TAPBP: variants seen among roughly 807,000 people sequenced by gnomAD.
TAPBP encodes tapasin.
A neutral mutation model predicts 45.7 loss-of-function variants in TAPBP; 38 were observed. The ratio of observed to expected loss-of-function variants is 0.83; its 90% CI spans 0.64 to 1.09. The LOEUF is 1.09. Ranked by LOEUF, TAPBP falls within the 50% of genes least tolerant of loss-of-function variation. The probability of loss-of-function intolerance (pLI) is 0.00; values close to 1 mark genes in which losing one functional copy is unlikely to be tolerated. For synonymous variants in TAPBP, 226 were observed against 254.8 expected, an observed-to-expected ratio of 0.89 and a Z score of 1.08; for missense variants, 513 against 587.3, an observed-to-expected ratio of 0.87 and a Z score of 1.31.
At chr6:33,304,036 T>C (rs1768765942) in intron 6 of TAPBP, 47 bp from the exon 7 acceptor site, 6 of 1,612,022 alleles carry the variant, frequency 3.7e-6, no homozygotes, top group Non-Finnish European at 2.5e-6. Flanking sequence ...GTGGTAGAGG[T>C]GGAGGGCAGA....
intron 4 of TAPBP, 174 bp from the exon 5 acceptor site, chr6:33,304,812 C>G: frequency 7.9e-7 from 1 of 1,264,458 alleles, no homozygotes; most frequent in Non-Finnish European, 1.1e-6. Flanking sequence ...CATGTCAAAG[C>G]CCCTCAAATT....
rs1581729737 is a variant in TAPBP, at chr6:33,299,757, C to T, written c.*2003G>A. On this transcript the variant is annotated 3_prime_UTR_variant, in exon 8 of 8. Coordinates refer to ENST00000434618, the MANE Select transcript of TAPBP (RefSeq NM_003190.5). This position sits in a 1 kb window ranked among gnomAD's most constrained non-coding sequence, Gnocchi z 5.0. ...TAGACCCGTTACCCCGTGGGTCTGG[C>T]CGACCGTCCTGACTCGGAGATCCCT... 6.6e-6 allele frequency: 1 copy of T among 152,458 alleles called. No individual in the cohort carries two copies. Among genetic ancestry groups the T allele is most frequent in the African/African-American group, 2.4e-5 (1 of 41,594 alleles). The allele number at this position is 152,458 out of a possible 1,614,324, so 9.4% of individuals were successfully genotyped here.
intron 3 of TAPBP, among the ~76,000 whole-genome samples, chr6:33,307,119 C>T (rs1314135162): frequency 6.6e-6 from 1 of 152,102 alleles, no homozygotes; most frequent in Non-Finnish European, 1.5e-5. Flanking sequence ...AAAACCCTGT[C>T]TCTACTAAAA....
At position 33,313,452 on chromosome 6, in the gene TAPBP, G is replaced by T; in HGVS notation, c.234C>A (p.Ala78=). The part of the protein sequence containing the change: ...VHDPAGALQA[A]FRRYPRGAPA... ...GGGCGCCCCGGGGATACCGCCTGAA[G>T]GCAGCCTGGAGGGCGCCCGCGGGGT... Residue 78 remains alanine, a synonymous_variant, in exon 3 of 8, where the codon GCC becomes GCA. Coordinates refer to ENST00000434618, the MANE Select transcript of TAPBP (RefSeq NM_003190.5). The surrounding 1 kb of genome is among the most constrained non-coding windows in gnomAD (Gnocchi z 7.2). 6.3e-7 allele frequency: 1 copy of T among 1,588,592 alleles called. No individual in the cohort carries two copies. Among genetic ancestry groups the T allele is most frequent in the Non-Finnish European group, 8.6e-7 (1 of 1,164,310 alleles).
chr6:33,301,743 G>A lies in TAPBP; in HGVS notation c.*17C>T, dbSNP rs1219617702. 6.2e-7 allele frequency: 1 copy of A among 1,612,652 alleles called. No individual in the cohort carries two copies. Among genetic ancestry groups the A allele is most frequent in the East Asian group, 2.2e-5 (1 of 44,884 alleles). ...CCAGAGATGATGGTGGCTTCCACAG[G>A]ATGGCAGTGAGTGCCCTCACTCTGC... is the stretch of plus-strand genomic sequence containing the variant. On this transcript the variant is annotated 3_prime_UTR_variant, in exon 8 of 8. Transcript: ENST00000434618.
chr6:33,304,526 C>T lies in TAPBP; in HGVS notation c.981G>A (p.Glu327=). ...GGCCACCCCGGAGTTCCCACTCCACCTCCAGGCCCCCAGAAGGGTAGAAGT... is the reference window on the plus strand; with the variant it reads ...GGCCACCCCGGAGTTCCCACTCCACTTCCAGGCCCCCAGAAGGGTAGAAGT... ...VSHFYPSGGL[E]VEWELRGGPG... Residue 327 remains glutamate, a synonymous_variant, in exon 5 of 8, where the codon GAG becomes GAA. Transcript: ENST00000434618. The T allele has an allele frequency of 1.9e-6, 3 of 1,612,914 alleles. No homozygotes were observed. Among genetic ancestry groups the T allele is most frequent in the East Asian group, 2.2e-5 (1 of 44,870 alleles).
intron 3 of TAPBP, among the ~76,000 whole-genome samples, chr6:33,309,426 G>A (rs1248330658): frequency 6.6e-6 from 1 of 151,830 alleles, no homozygotes; most frequent in East Asian, 1.9e-4. Context: ...AAACCTGGCT[G>A]GGCAGGGTGG....
rs775752083 is a variant in TAPBP at position 33,313,357 on chromosome 6, G to C, written c.329C>G (p.Thr110Ser). The C allele has an allele frequency of 6.2e-7, 1 of 1,613,100 alleles. No individual in the cohort carries two copies. Among genetic ancestry groups the C allele is most frequent in the Non-Finnish European group, 8.5e-7 (1 of 1,179,864 alleles). Residue 110 changes from threonine (T) to serine (S), a missense_variant, in exon 3 of 8, where the codon ACC becomes AGC. Transcript: ENST00000434618. This position sits in a 1 kb window ranked among gnomAD's most constrained non-coding sequence, Gnocchi z 7.2. ...PASAKWASGL[T>S]PAQNCPRALD... The stretch of plus-strand genomic sequence containing the variant: ...GGCCCGCGGGCAGTTCTGCGCGGGG[G>C]TCAGGCCGCTGGCCCATTTCGCAGA...
At position 33,313,996 on chromosome 6, in the gene TAPBP, T is replaced by A; in HGVS notation, c.37+9A>T. On this transcript the variant is annotated intron_variant, in intron 1 of 7. Coordinates refer to ENST00000434618, the MANE Select transcript of TAPBP (RefSeq NM_003190.5). This position sits in a 1 kb window ranked among gnomAD's most constrained non-coding sequence, Gnocchi z 7.2. Reference sequence around the variant, plus strand: ...AGTTCTTGGGCGATGAGTCGCGGGGTTCGCTCACCCAAAGCCACAGCGAGG... The same window carrying A: ...AGTTCTTGGGCGATGAGTCGCGGGGATCGCTCACCCAAAGCCACAGCGAGG... 6.2e-7 allele frequency: 1 copy of A among 1,613,724 alleles called. No individual in the cohort carries two copies. Among genetic ancestry groups the A allele is most frequent in the Non-Finnish European group, 8.5e-7 (1 of 1,179,972 alleles).
chr6:33,305,480 A>C lies in TAPBP; in HGVS notation c.470-93T>G. ...AGAAATGCAGTTATTGGGGAGGGCT[A>C]AACTGCAGTTTACCCACCCCTCAGA... On this transcript the variant is annotated intron_variant, in intron 3 of 7. Coordinates refer to ENST00000434618, the MANE Select transcript of TAPBP (RefSeq NM_003190.5). The surrounding 1 kb of genome is among the most constrained non-coding windows in gnomAD (Gnocchi z 4.4). The C allele has an allele frequency of 7.4e-7, 1 of 1,350,726 alleles. No homozygotes were observed. The allele number at this position is 1,350,726 out of a possible 1,614,324, so 83.7% of individuals were successfully genotyped here.
intron 3 of TAPBP, among the ~76,000 whole-genome samples, chr6:33,307,391 CTTCTTTT>C (rs1769045954): frequency 1.5e-5 from 2 of 129,620 alleles, no homozygotes; most frequent in Admixed American, 8.7e-5. Context: ...TCTAGCCCTG[CTTCTTTT>C]TTTTTTTTTT....
At position 33,305,456 on chromosome 6, in the gene TAPBP, G is replaced by A; in HGVS notation, c.470-69C>T. The A allele has an allele frequency of 1.4e-6, 2 of 1,445,006 alleles. No individual in the cohort carries two copies. Among genetic ancestry groups the A allele is most frequent in the Non-Finnish European group, 1.8e-6 (2 of 1,090,644 alleles). 89.5% of individuals were successfully genotyped at this position (1,445,006 alleles called of 1,614,324 possible). A position where few individuals can be genotyped will look rare whatever the true frequency, so the allele number is the denominator to read the frequency against. On this transcript the variant is annotated intron_variant, in intron 3 of 7. Transcript: ENST00000434618. This position sits in a 1 kb window ranked among gnomAD's most constrained non-coding sequence, Gnocchi z 4.4. ...AGAGAAAGAAGGAGAAAAAAATAGA[G>A]AAATGCAGTTATTGGGGAGGGCTAA... is the stretch of plus-strand genomic sequence containing the variant.
Position 33,313,237 on chromosome 6 carries a change from A to T in TAPBP, c.449T>A (p.Val150Asp), listed in dbSNP as rs1042952067. 3 of 1,613,742 alleles carry T rather than the reference A, an allele frequency of 1.9e-6. No individual in the cohort carries two copies. The highest frequency in any genetic ancestry group is 2.5e-6 in the Non-Finnish European group (3 of 1,179,818). ...RPQPEPQQEPVLITMATVVLT... is the reference protein window; with the variant it reads ...RPQPEPQQEPDLITMATVVLT... ...GCTACCTGTTGCCATGGTGATGAGAACAGGCTCCTGCTGAGGCTCTGGCTG... is the reference window on the plus strand; with the variant it reads ...GCTACCTGTTGCCATGGTGATGAGATCAGGCTCCTGCTGAGGCTCTGGCTG... The change falls in exon 3 of 8, where the codon GTT (valine) becomes GAT (aspartate). Residue 150 changes from valine (V) to aspartate (D), a missense_variant. Transcript: ENST00000434618. The surrounding 1 kb of genome is among the most constrained non-coding windows in gnomAD (Gnocchi z 7.2).
chr6:33,312,432 C>T (rs1387250706), intron 3 of TAPBP, among the ~76,000 whole-genome samples: 2 of 152,102 alleles, frequency 1.3e-5, no homozygotes, highest in Admixed American at 6.6e-5. Flanking sequence ...CGGTATTCTA[C>T]CCCGGAATAC....
Position 33,305,387 on chromosome 6 carries a change from A to T in TAPBP, c.470T>A (p.Val157Glu), listed in dbSNP as rs1360576183. The T allele has an allele frequency of 6.6e-7, 1 of 1,513,306 alleles. No homozygotes were observed. Among genetic ancestry groups the T allele is most frequent in the Admixed American group, 2.3e-5 (1 of 43,488 alleles). The allele number at this position is 1,513,306 out of a possible 1,614,324, so 93.7% of individuals were successfully genotyped here. Residue 157 changes from valine (V) to glutamate (E), a missense_variant and splice_region_variant, in exon 4 of 8, where the codon GTG (valine) becomes GAG (glutamate). Physicochemically the swap from Val to Glu is moderately radical, Grantham distance 121. Coordinates refer to ENST00000434618, the MANE Select transcript of TAPBP (RefSeq NM_003190.5). This position sits in a 1 kb window ranked among gnomAD's most constrained non-coding sequence, Gnocchi z 4.4. ...GGTGTGGGTGAGGACAGTCAGTACCACTGAGGAAGACAGGGAGATGAGGGG... is the reference window on the plus strand; with the variant it reads ...GGTGTGGGTGAGGACAGTCAGTACCTCTGAGGAAGACAGGGAGATGAGGGG... The part of the protein sequence containing the change: ...QEPVLITMAT[V>E]VLTVLTHTPA...
rs895943877 is a variant in TAPBP at position 33,306,620 on chromosome 6, CCTT to C, written c.470-1236_470-1234del. Reference sequence around the variant, plus strand: ...CCTATTCTCAGTCTCTCCTTCAACTCCTTCTTCACACTGTAGCCAAACAAAGTG... The same window carrying C: ...CCTATTCTCAGTCTCTCCTTCAACTCCTTCACACTGTAGCCAAACAAAGTG... On this transcript the variant is annotated intron_variant, in intron 3 of 7. Coordinates refer to ENST00000434618, the MANE Select transcript of TAPBP (RefSeq NM_003190.5). Among the ~76,000 whole-genome samples the C allele has an allele frequency of 7.2e-5, 11 of 152,348 alleles. No homozygotes were observed. The East Asian group carries it at 1.5e-3, about 21-fold the overall frequency.
chr6:33,304,553 G>A lies in TAPBP; in HGVS notation c.954C>T (p.Ser318=). The A allele has an allele frequency of 6.2e-7, 1 of 1,610,102 alleles. No individual in the cohort carries two copies. The highest frequency in any genetic ancestry group is 8.5e-7 in the Non-Finnish European group (1 of 1,179,886). ...CCAGGCCCCCAGAAGGGTAGAAGTGGGACACAAGGCAGAGCAATTCCGGGG... is the reference window on the plus strand; with the variant it reads ...CCAGGCCCCCAGAAGGGTAGAAGTGAGACACAAGGCAGAGCAATTCCGGGG... ...EAPPELLCLV[S]HFYPSGGLEV... The change falls in exon 5 of 8, where the codon TCC becomes TCT. Residue 318 remains serine, a synonymous_variant. Transcript: ENST00000434618.
rs117291330 is a variant in TAPBP, at chr6:33,310,925, T to C, written c.469+2292A>G. Among the ~76,000 whole-genome samples, 1,043 of 152,380 alleles carry C rather than the reference T, an allele frequency of 6.8e-3. 12 individuals are homozygous for C. The highest frequency in any genetic ancestry group is 0.054 in the South Asian group (259 of 4,832). On this transcript the variant is annotated intron_variant, in intron 3 of 7. Transcript: ENST00000434618. ...AAATGTATATTAGCAAAATCATGAA[T>C]GATCTTGGACCCTGGAGAGATTTCA...
rs1757438319 is a variant in TAPBP, at chr6:33,305,721, C to T, written c.470-334G>A. On this transcript the variant is annotated intron_variant, in intron 3 of 7. Coordinates refer to ENST00000434618, the MANE Select transcript of TAPBP (RefSeq NM_003190.5). The surrounding 1 kb of genome is among the most constrained non-coding windows in gnomAD (Gnocchi z 4.4). ...AATCCGAGGCCACTTCTGACACAAC[C>T]TGAACCACTCTATCTCCAAGCACCA... Among the ~76,000 whole-genome samples the T allele has an allele frequency of 6.6e-6, 1 of 152,198 alleles. No individual in the cohort carries two copies. Among genetic ancestry groups the T allele is most frequent in the African/African-American group, 2.4e-5 (1 of 41,444 alleles).
Sources: allele counts gnomAD v4.1 joint callset (sites outside exome capture counted in the v4.1 genomes callset), GRCh38; gene constraint gnomAD v4.1.1; non-coding constraint Gnocchi (gnomAD v3.1); transcripts MANE v1.5; gene names NCBI Gene and HGNC (gene_info 2026-07-23, HGNC 2026-07-21).